EVI5: variants seen among roughly 807,000 people sequenced by gnomAD.
EVI5 encodes the protein ecotropic viral integration site 5 protein homolog.
In EVI5, 73 loss-of-function variants were observed where a neutral mutation model predicts 112.0. That is an observed-to-expected ratio of 0.65 (90% CI 0.54 to 0.79). The LOEUF (loss-of-function observed/expected upper bound fraction) is 0.79, where lower values mean the gene tolerates loss of function less well. Among genes scored for constraint, EVI5 ranks in the 30% least tolerant of loss-of-function variants. EVI5 has a pLI of 0.00. For synonymous variants in EVI5, 305 were observed against 319.9 expected, an observed-to-expected ratio of 0.95 and a Z score of 0.50; for missense variants, 900 against 968.8, an observed-to-expected ratio of 0.93 and a Z score of 0.94.
At chr1:92,749,228 C>A in intron 1 of EVI5, 1 of 341,902 alleles carries the variant, frequency 2.9e-6, no homozygotes, top group South Asian at 2.4e-5. Context: ...GCTTTTGTAG[C>A]CAGTTGCTTC....
At chr1:92,751,096 G>A (rs1680124642) in intron 1 of EVI5, among the ~76,000 whole-genome samples, 1 of 152,168 alleles carries the variant, frequency 6.6e-6, no homozygotes, top group South Asian at 2.1e-4. Flanking sequence ...CTGGCAATGA[G>A]CCAAGATCGC....
chr1:92,582,170 C>T (rs1672045933), intron 18 of EVI5, among the ~76,000 whole-genome samples: 1 of 152,092 alleles, frequency 6.6e-6, no homozygotes, highest in Non-Finnish European at 1.5e-5. Context: ...ATACTGTAGG[C>T]AACTGTAACA....
At chr1:92,641,564 C>T (rs1659968049) in intron 13 of EVI5, among the ~76,000 whole-genome samples, 1 of 152,024 alleles carries the variant, frequency 6.6e-6, no homozygotes. Flanking sequence ...CCATTTGTTC[C>T]AGAAACAAAA....
chr1:92,766,427 CTT>C (rs1381900242), intron 1 of EVI5, among the ~76,000 whole-genome samples: 2 of 151,984 alleles, frequency 1.3e-5, no homozygotes, highest in African/African-American at 2.4e-5. Flanking sequence ...ACAAGTAACT[CTT>C]AAAATATAGC....
At chr1:92,645,195 C>A (rs1347163499) in intron 13 of EVI5, among the ~76,000 whole-genome samples, 3 of 152,164 alleles carry the variant, frequency 2.0e-5, no homozygotes, top group African/African-American at 7.2e-5. Context: ...TAAACACATA[C>A]AATCTTAAAT....
In EVI5 at chr1:92,694,255, ACT is replaced by A. The variant is rs550788506; in HGVS notation, c.999+42_999+43del. Reference sequence around the variant, plus strand: ...ACTCCAGCCTGGGCAACAGAACTAAACTCTGTCTCAAAAAAAAAAAAAGAAAA... The same window carrying A: ...ACTCCAGCCTGGGCAACAGAACTAAACTGTCTCAAAAAAAAAAAAAGAAAA... On this transcript the variant is annotated intron_variant, in intron 8 of 19. Transcript: ENST00000684568. 2.9e-5 allele frequency: 35 copies of A among 1,211,664 alleles called. No individual in the cohort carries two copies. In the East Asian group the frequency reaches 7.3e-4, roughly 25 times the overall value. 75.1% of individuals were successfully genotyped at this position (1,211,664 alleles called of 1,614,324 possible).
chr1:92,522,397 G>C (rs1358179803), intron 19 of EVI5, among the ~76,000 whole-genome samples: 1 of 151,924 alleles, frequency 6.6e-6, no homozygotes, highest in Non-Finnish European at 1.5e-5. Flanking sequence ...CAGCACTTTG[G>C]GAGGCCAAGG....
At chr1:92,631,196 G>GT (rs1656991420) in intron 14 of EVI5, among the ~76,000 whole-genome samples, 2 of 151,944 alleles carry the variant, frequency 1.3e-5, no homozygotes, top group African/African-American at 4.8e-5. Flanking sequence ...CTTTAAAGTA[G>GT]TTTTTTCCAA....
chr1:92,588,526 C>A (rs1200877756), intron 18 of EVI5, among the ~76,000 whole-genome samples: 1 of 152,174 alleles, frequency 6.6e-6, no homozygotes, highest in Non-Finnish European at 1.5e-5. Context: ...AAAATAGCAA[C>A]AGTCCTCCAT....
At chr1:92,514,062 C>A in intron 19 of EVI5, 92 bp from the exon 20 acceptor site, 1 of 753,212 alleles carries the variant, frequency 1.3e-6, no homozygotes, top group African/African-American at 1.8e-5. Flanking sequence ...AAGAAGATGC[C>A]TTATTATTTT....
chr1:92,630,369 A>G (rs979089145), intron 14 of EVI5, among the ~76,000 whole-genome samples: 20 of 152,270 alleles, frequency 1.3e-4, no homozygotes, highest in South Asian at 1.2e-3. Flanking sequence ...TCTAACTGGT[A>G]TGAGATGGTA....
chr1:92,782,377 C>T (rs1020380502), intron 1 of EVI5, among the ~76,000 whole-genome samples: 1 of 151,930 alleles, frequency 6.6e-6, no homozygotes, highest in Non-Finnish European at 1.5e-5. Context: ...AAATGCAATA[C>T]ATATATATCC....
intron 19 of EVI5, among the ~76,000 whole-genome samples, chr1:92,536,436 T>C (rs1663908820): frequency 6.6e-6 from 1 of 152,156 alleles, no homozygotes; most frequent in Non-Finnish European, 1.5e-5. Flanking sequence ...TCTTACTGTA[T>C]GATAGTAAAA....
At chr1:92,698,753 A>G (rs1251029078) in intron 5 of EVI5, among the ~76,000 whole-genome samples, 1 of 152,196 alleles carries the variant, frequency 6.6e-6, no homozygotes, top group Non-Finnish European at 1.5e-5. Context: ...ATTCTGAGCA[A>G]AAAATCATAT....
intron 3 of EVI5, 80 bp downstream of exon 3, chr1:92,704,475 T>TC: frequency 1.1e-6 from 1 of 881,828 alleles, no homozygotes; most frequent in East Asian, 2.6e-5. Flanking sequence ...GTATTTGGGG[T>TC]TTTTTTCCCA....
chr1:92,684,108 AC>A (rs751479365), intron 9 of EVI5, among the ~76,000 whole-genome samples: 1 of 152,206 alleles, frequency 6.6e-6, no homozygotes, highest in Non-Finnish European at 1.5e-5. Context: ...TGTCAGATTC[AC>A]CAAGGTTGAA....
chr1:92,729,030 G>A (rs1249988565), intron 2 of EVI5, among the ~76,000 whole-genome samples: 1 of 152,170 alleles, frequency 6.6e-6, no homozygotes, highest in South Asian at 2.1e-4. Context: ...ATATGTCAAA[G>A]GGAAGCTGTT....
At chr1:92,755,082 T>G (rs1326048476) in intron 1 of EVI5, among the ~76,000 whole-genome samples, 2 of 151,132 alleles carry the variant, frequency 1.3e-5, no homozygotes, top group Non-Finnish European at 3.0e-5. Flanking sequence ...TTTTTTTTTT[T>G]TTTTTTTGCA....
At chr1:92,652,219 T>C (rs1662259287) in intron 13 of EVI5, among the ~76,000 whole-genome samples, 1 of 152,196 alleles carries the variant, frequency 6.6e-6, no homozygotes. Context: ...TTTGAAAACA[T>C]CATGCTTAGT....
Sources: gnomAD v4.1 joint callset for allele counts (sites outside exome capture counted in the v4.1 genomes callset) on GRCh38, gnomAD v4.1.1 for gene constraint, MANE v1.5 for transcripts, NCBI Gene and HGNC (gene_info 2026-07-23, HGNC 2026-07-21) for gene names.